The following DENND1A variants were observed in gnomAD, a reference collection of about 807,000 sequenced individuals.
DENND1A encodes the protein DENN domain containing 1A.
In DENND1A, 51 loss-of-function variants were observed where a neutral mutation model predicts 113.7. That is an observed-to-expected ratio of 0.45 (90% CI 0.36 to 0.57). The LOEUF (loss-of-function observed/expected upper bound fraction) is 0.57. Among genes scored for constraint, DENND1A ranks in the 20% least tolerant of loss-of-function variants. The probability of loss-of-function intolerance (pLI) is 0.00; values close to 1 mark genes in which losing one functional copy is unlikely to be tolerated. For missense variants in DENND1A, 1,258 were observed against 1,395.9 expected (o/e 0.90, Z 1.57); for synonymous variants, 565 against 570.8 (o/e 0.99, Z 0.14).
intron 5 of DENND1A, among the ~76,000 whole-genome samples, chr9:123,746,814 C>T (rs375378799): frequency 1.3e-5 from 2 of 151,930 alleles, no homozygotes; most frequent in East Asian, 1.9e-4. Context: ...TCAGTGGTCA[C>T]GGGACAACAG....
chr9:123,626,215 C>T lies in DENND1A; in HGVS notation c.719+4161G>A, dbSNP rs575672834. On this transcript the variant is annotated intron_variant, in intron 10 of 23. Coordinates refer to ENST00000394215, the MANE Select transcript of DENND1A (RefSeq NM_001352964.2). ...ACCTGAGGCTACCTTTTAGAGCACACATCTGGCGTGTGGTGTGTATGGGCG... is the reference window on the plus strand; with the variant it reads ...ACCTGAGGCTACCTTTTAGAGCACATATCTGGCGTGTGGTGTGTATGGGCG... Among the ~76,000 whole-genome samples, 4 of 152,256 alleles carry T rather than the reference C, an allele frequency of 2.6e-5. No individual in the cohort carries two copies. In the South Asian group the frequency reaches 8.3e-4, roughly 32 times the overall value.
chr9:123,502,867 T>C (rs1296530961), intron 13 of DENND1A, among the ~76,000 whole-genome samples: 2 of 152,232 alleles, frequency 1.3e-5, no homozygotes, highest in Admixed American at 6.5e-5. Context: ...CTTTCTAACA[T>C]GGCTACAGAG....
chr9:123,598,232 G>A (rs911950129), intron 11 of DENND1A, among the ~76,000 whole-genome samples: 1 of 152,056 alleles, frequency 6.6e-6, no homozygotes, highest in South Asian at 2.1e-4. Context: ...CTAATGGCAC[G>A]GCCAAAATCA....
intron 5 of DENND1A, among the ~76,000 whole-genome samples, chr9:123,710,439 C>CTACCATTCTA (rs1252986697): frequency 6.6e-6 from 1 of 152,128 alleles, no homozygotes; most frequent in East Asian, 1.9e-4. Flanking sequence ...TTCAACAAGG[C>CTACCATTCTA]TACCACTCTA....
chr9:123,492,480 G>A (rs2134001449), intron 13 of DENND1A, among the ~76,000 whole-genome samples: 1 of 152,328 alleles, frequency 6.6e-6, no homozygotes, highest in East Asian at 1.9e-4. Context: ...GGAGGAGAAT[G>A]TGAAGGGAAT....
chr9:123,632,300 C>T (rs555736482), intron 9 of DENND1A, among the ~76,000 whole-genome samples: 16 of 152,204 alleles, frequency 1.1e-4, no homozygotes, highest in East Asian at 9.6e-4. Flanking sequence ...CCAGTGACCC[C>T]GTCAAGGCTC....
chr9:123,382,734 T>A (rs954847982), intron 23 of DENND1A, 109 bp from the exon 24 acceptor site: 22 of 1,197,786 alleles, frequency 1.8e-5, no homozygotes, highest in Non-Finnish European at 2.5e-5. Flanking sequence ...CCTAGTTGTG[T>A]GGCTGATCAG....
At chr9:123,735,053 G>C (rs907630614) in intron 5 of DENND1A, among the ~76,000 whole-genome samples, 1 of 152,164 alleles carries the variant, frequency 6.6e-6, no homozygotes, top group Non-Finnish European at 1.5e-5. Flanking sequence ...GCTGGGAAAA[G>C]AGGAGATGGG....
intron 5 of DENND1A, among the ~76,000 whole-genome samples, chr9:123,756,166 C>T (rs746233276): frequency 3.9e-5 from 6 of 152,254 alleles, no homozygotes; most frequent in Non-Finnish European, 2.9e-5. Context: ...CCCACCTCAG[C>T]GTCCCAAAGT....
intron 5 of DENND1A, among the ~76,000 whole-genome samples, chr9:123,739,893 G>C (rs1194344223): frequency 6.7e-6 from 1 of 149,822 alleles, no homozygotes; most frequent in Admixed American, 6.6e-5. Flanking sequence ...CTTTTCCAGA[G>C]TGTGTTCTTA....
At chr9:123,835,111 GAAA>G (rs35785869) in intron 2 of DENND1A, among the ~76,000 whole-genome samples, 1 of 112,142 alleles carries the variant, frequency 8.9e-6, no homozygotes, top group African/African-American at 3.3e-5. Context: ...CTTTAGAGGG[GAAA>G]AAAAAAAAAA....
intron 23 of DENND1A, among the ~76,000 whole-genome samples, chr9:123,383,441 G>A (rs995016022): frequency 2.0e-5 from 3 of 152,150 alleles, no homozygotes; most frequent in African/African-American, 4.8e-5. Flanking sequence ...AGTTTCCATC[G>A]GGCTCTAGCA....
chr9:123,645,149 G>A (rs1312578574), intron 9 of DENND1A, among the ~76,000 whole-genome samples: 3 of 152,050 alleles, frequency 2.0e-5, no homozygotes, highest in Non-Finnish European at 4.4e-5. Context: ...GTTATTGACC[G>A]AGAAACCCCG....
At chr9:123,612,456 C>CT (rs2060461164) in intron 10 of DENND1A, among the ~76,000 whole-genome samples, 1 of 152,206 alleles carries the variant, frequency 6.6e-6, no homozygotes, top group Non-Finnish European at 1.5e-5. Context: ...AACACAATTA[C>CT]TTTTTCTTTT....
At chr9:123,496,768 C>G (rs958629179) in intron 13 of DENND1A, among the ~76,000 whole-genome samples, 1 of 152,236 alleles carries the variant, frequency 6.6e-6, no homozygotes, top group African/African-American at 2.4e-5. Flanking sequence ...ATTGGGACAC[C>G]GTTATTGATG....
At chr9:123,888,163 T>C (rs1164599563) in intron 1 of DENND1A, among the ~76,000 whole-genome samples, 1 of 152,086 alleles carries the variant, frequency 6.6e-6, no homozygotes, top group Non-Finnish European at 1.5e-5. Context: ...ACGTGCTAGA[T>C]GAACTTGGAA....
rs1038664201 is a variant in DENND1A at position 123,862,093 on chromosome 9, T to C, written c.88+16858A>G. Reference sequence around the variant, plus strand: ...CAAGCTCTAACGTACTAATTCCTAATAAAAAAAAATTTTTTTTTAATTCTT... The same window carrying C: ...CAAGCTCTAACGTACTAATTCCTAACAAAAAAAAATTTTTTTTTAATTCTT... On this transcript the variant is annotated intron_variant, in intron 2 of 23. Transcript: ENST00000394215. 2.6e-5 allele frequency among the ~76,000 whole-genome samples: 4 copies of C among 152,086 alleles called. No individual in the cohort carries two copies. In the East Asian group the frequency reaches 7.7e-4, roughly 29 times the overall value.
chr9:123,587,042 G>A (rs1050305539), intron 11 of DENND1A, among the ~76,000 whole-genome samples: 2 of 151,676 alleles, frequency 1.3e-5, no homozygotes, highest in South Asian at 2.1e-4. Flanking sequence ...AGACACACAC[G>A]AGATAGTGAA....
chr9:123,531,545 CT>C (rs1196970707), intron 13 of DENND1A, among the ~76,000 whole-genome samples: 9 of 101,368 alleles, frequency 8.9e-5, no homozygotes, highest in African/African-American at 2.6e-4. Flanking sequence ...CTCTTCCCCC[CT>C]CTCTCTCTAC....
Sources: gnomAD v4.1 joint callset for allele counts (sites outside exome capture counted in the v4.1 genomes callset) on GRCh38, gnomAD v4.1.1 for gene constraint, MANE v1.5 for transcripts, NCBI Gene and HGNC (gene_info 2026-07-23, HGNC 2026-07-21) for gene names.